The following CUL3 variants were observed in gnomAD, a reference collection of about 807,000 sequenced individuals.
CUL3 encodes the protein cullin-3.
Under a neutral mutation model 89.1 loss-of-function variants are expected in CUL3, and 19 were observed. That is an observed-to-expected ratio of 0.21 (90% CI 0.15 to 0.31). The LOEUF (loss-of-function observed/expected upper bound fraction) is 0.31, where lower values mean the gene tolerates loss of function less well. Ranked by LOEUF, CUL3 falls within the 10% of genes least tolerant of loss-of-function variation. The pLI is 1.00. For missense variants in CUL3, 469 were observed against 942.3 expected, an observed-to-expected ratio of 0.50 and a Z score of 6.58; for synonymous variants, 351 against 308.4, an observed-to-expected ratio of 1.14 and a Z score of -1.45.
chr2:224,483,776 G>A (rs1691617013), intron 13 of CUL3, among the ~76,000 whole-genome samples: 1 of 152,172 alleles, frequency 6.6e-6, no homozygotes, highest in South Asian at 2.1e-4. Flanking sequence ...CATGACACAA[G>A]TGGAGATTTA....
At chr2:224,569,407 G>GA (rs1350777575) in intron 1 of CUL3, among the ~76,000 whole-genome samples, 3 of 152,012 alleles carry the variant, frequency 2.0e-5, no homozygotes, top group Non-Finnish European at 4.4e-5. Flanking sequence ...TTTTTTAAAG[G>GA]AAAAATATAA....
At chr2:224,547,268 AC>A (rs1559206307) in intron 2 of CUL3, among the ~76,000 whole-genome samples, 5 of 152,148 alleles carry the variant, frequency 3.3e-5, no homozygotes, top group African/African-American at 9.7e-5. Flanking sequence ...AACCCACTTT[AC>A]TATCCTCATT....
chr2:224,535,979 A>T (rs1234752861), intron 2 of CUL3, among the ~76,000 whole-genome samples: 1 of 152,140 alleles, frequency 6.6e-6, no homozygotes, highest in Non-Finnish European at 1.5e-5. Context: ...GCTACTGCTG[A>T]ATTTCCTACT....
intron 9 of CUL3, 21 bp downstream of exon 9, chr2:224,503,631 T>C: frequency 1.3e-6 from 2 of 1,538,634 alleles, no homozygotes; most frequent in Non-Finnish European, 1.7e-6. Context: ...TGCACTCTAT[T>C]TCATCTAAAA....
chr2:224,538,949 T>C (rs1320744130), intron 2 of CUL3, among the ~76,000 whole-genome samples: 6 of 152,114 alleles, frequency 3.9e-5, no homozygotes, highest in Non-Finnish European at 8.8e-5. Context: ...GTAGGATTGT[T>C]TGATCCCAGG....
At chr2:224,477,681 G>A (rs974299968) in intron 15 of CUL3, among the ~76,000 whole-genome samples, 4 of 152,084 alleles carry the variant, frequency 2.6e-5, no homozygotes, top group East Asian at 1.9e-4. Flanking sequence ...CCTAAACGGC[G>A]TCTTCAACTT....
At chr2:224,489,813 A>T (rs540561888) in intron 13 of CUL3, among the ~76,000 whole-genome samples, 3 of 152,224 alleles carry the variant, frequency 2.0e-5, no homozygotes, top group African/African-American at 7.2e-5. Flanking sequence ...TTCATGACTA[A>T]AACACCAAAA....
chr2:224,495,155 A>G (rs1034699942), intron 13 of CUL3: 1 of 152,160 alleles, frequency 6.6e-6, no homozygotes, highest in Non-Finnish European at 1.5e-5. Flanking sequence ...ATTAAATCCA[A>G]AATGAGACAC....
At chr2:224,549,801 T>A (rs1411196199) in intron 2 of CUL3, among the ~76,000 whole-genome samples, 7 of 152,110 alleles carry the variant, frequency 4.6e-5, no homozygotes, top group Admixed American at 4.6e-4. Context: ...AACTAATTAT[T>A]ACTATTTCTA....
Position 224,472,708 on chromosome 2 carries a change from G to T in CUL3, c.*1537C>A. 1 of 194,554 alleles carries T rather than the reference G, an allele frequency of 5.1e-6. No homozygotes were observed. The highest frequency in any genetic ancestry group is 1.1e-5 in the Non-Finnish European group (1 of 93,150). The allele number at this position is 194,554 out of a possible 1,614,324, so 12.1% of individuals were successfully genotyped here. A position where few individuals can be genotyped will look rare whatever the true frequency, so the allele number is the denominator to read the frequency against. ...ACAAAATTGCAATAAAAGCATATTTGCAAGTCTAAAAGGAAAATTATAACC... is the reference window on the plus strand; with the variant it reads ...ACAAAATTGCAATAAAAGCATATTTTCAAGTCTAAAAGGAAAATTATAACC... On this transcript the variant is annotated 3_prime_UTR_variant, in exon 16 of 16. Coordinates refer to ENST00000264414, the MANE Select transcript of CUL3 (RefSeq NM_003590.5).
At chr2:224,565,774 C>T (rs1205124486) in intron 1 of CUL3, among the ~76,000 whole-genome samples, 5 of 152,218 alleles carry the variant, frequency 3.3e-5, no homozygotes, top group African/African-American at 1.2e-4. Flanking sequence ...AGATCCATAT[C>T]CTGAAACCCT....
At position 224,511,125 on chromosome 2, in the gene CUL3, T is replaced by C. The variant is rs1240181641; in HGVS notation, c.883+229A>G. On this transcript the variant is annotated intron_variant, in intron 6 of 15. Transcript: ENST00000264414. ...TTTATCTTCTGGATTAAATGTAAAA[T>C]GAGACTTAAAGACAGGAAATGCTCA... is the stretch of plus-strand genomic sequence containing the variant. Among the ~76,000 whole-genome samples, 4 of 152,290 alleles carry C rather than the reference T, an allele frequency of 2.6e-5. No individual in the cohort carries two copies. The East Asian group carries it at 7.7e-4, about 29-fold the overall frequency.
chr2:224,561,661 G>T (rs1470619591), intron 1 of CUL3, among the ~76,000 whole-genome samples: 1 of 152,124 alleles, frequency 6.6e-6, no homozygotes, highest in African/African-American at 2.4e-5. Context: ...GACTGTAAAA[G>T]AATTTACCCC....
chr2:224,529,644 C>G (rs975695745), intron 3 of CUL3, among the ~76,000 whole-genome samples: 2 of 151,696 alleles, frequency 1.3e-5, no homozygotes, highest in Admixed American at 1.3e-4. Context: ...ATCAAATTAA[C>G]GTATGTAAGT....
intron 3 of CUL3, among the ~76,000 whole-genome samples, chr2:224,520,184 G>A (rs1327320067): frequency 6.6e-6 from 1 of 152,204 alleles, no homozygotes; most frequent in Non-Finnish European, 1.5e-5. Context: ...TTTACATAAA[G>A]GGATGTGAGT....
rs544122256 is a variant in CUL3, at chr2:224,559,639, A to G, written c.67-1783T>C. Among the ~76,000 whole-genome samples, 22 of 152,238 alleles carry G rather than the reference A, an allele frequency of 1.4e-4. 1 individual carries two copies. The highest frequency in any genetic ancestry group is 6.5e-4 in the Admixed American group (10 of 15,288). On this transcript the variant is annotated intron_variant, in intron 1 of 15. Coordinates refer to ENST00000264414, the MANE Select transcript of CUL3 (RefSeq NM_003590.5). ...CATTATATCTTGAATCTACTCCAGT[A>G]GGGCTTTCATCTCTACCATTTCACT... is the stretch of plus-strand genomic sequence containing the variant.
At chr2:224,539,512 A>T (rs1000929045) in intron 2 of CUL3, among the ~76,000 whole-genome samples, 20 of 152,214 alleles carry the variant, frequency 1.3e-4, no homozygotes, top group Admixed American at 3.3e-4. Flanking sequence ...AAGTGTTTAA[A>T]GCAACTTCAT....
intron 11 of CUL3, among the ~76,000 whole-genome samples, chr2:224,498,871 T>A (rs1692269697): frequency 6.6e-6 from 1 of 152,152 alleles, no homozygotes. Flanking sequence ...AAGCTACAAG[T>A]CAATAATATG....
Position 224,473,320 on chromosome 2 carries a change from G to A in CUL3, c.*925C>T. ...AGGACCTAGGGTATTTATAAACAAA[G>A]TATAGACTGTATGTGCTTTTCAGAG... On this transcript the variant is annotated 3_prime_UTR_variant, in exon 16 of 16. Coordinates refer to ENST00000264414, the MANE Select transcript of CUL3 (RefSeq NM_003590.5). 1 of 193,144 alleles carries A rather than the reference G, an allele frequency of 5.2e-6. No individual in the cohort carries two copies. The highest frequency in any genetic ancestry group is 8.2e-5 in the East Asian group (1 of 12,218). 12.0% of individuals were successfully genotyped at this position (193,144 alleles called of 1,614,324 possible). A position where few individuals can be genotyped will look rare whatever the true frequency, so the allele number is the denominator to read the frequency against.
Sources: gnomAD v4.1 joint callset for allele counts (sites outside exome capture counted in the v4.1 genomes callset) on GRCh38, gnomAD v4.1.1 for gene constraint, MANE v1.5 for transcripts, NCBI Gene and HGNC (gene_info 2026-07-23, HGNC 2026-07-21) for gene names.